Variants in CUX1 observed in about 807,000 individuals in gnomAD.
CUX1 encodes cut like homeobox 1.
In CUX1, 31 loss-of-function variants were observed where a neutral mutation model predicts 158.8. The ratio of observed to expected loss-of-function variants is 0.20; its 90% CI spans 0.15 to 0.26. CUX1 has a LOEUF of 0.26. Among genes scored for constraint, CUX1 ranks in the 10% least tolerant of loss-of-function variants. CUX1 has a pLI of 1.00. For missense variants in CUX1, 1,589 were observed against 2,014.6 expected (o/e 0.79, Z 4.04); for synonymous variants, 879 against 862.1 (o/e 1.02, Z -0.34).
Position 102,178,628 on chromosome 7 carries a change from C to G in CUX1, c.988C>G (p.Gln330Glu), listed in dbSNP as rs1170949898. Residue 330 changes from glutamine (Q) to glutamate (E), a missense_variant, in exon 11 of 24, where the codon CAG becomes GAG. Around this residue, in one of 8 missense-constraint regions of CUX1, gnomAD observed 515 missense variants for 574.4 expected, o/e 0.90. Coordinates refer to ENST00000292535, the MANE Select transcript of CUX1 (RefSeq NM_181552.4). ...SASQISQLEQ[Q>E]LSAKNSTLKQ... Reference sequence around the variant, plus strand: ...CAGCCAGATCTCACAGCTTGAGCAGCAGCTGAGCGCCAAAAACAGCACACT... The same window carrying G: ...CAGCCAGATCTCACAGCTTGAGCAGGAGCTGAGCGCCAAAAACAGCACACT... 1.2e-6 allele frequency: 2 copies of G among 1,610,402 alleles called. No individual in the cohort carries two copies. Among genetic ancestry groups the G allele is most frequent in the Non-Finnish European group, 1.7e-6 (2 of 1,178,306 alleles).
chr7:101,822,044 C>T (rs898892120), intron 1 of CUX1, among the ~76,000 whole-genome samples: 8 of 151,826 alleles, frequency 5.3e-5, no homozygotes, highest in South Asian at 2.1e-4. Context: ...TTAGTTGAGA[C>T]GAGGTTTCAC....
chr7:102,005,455 C>T (rs1367249946), intron 2 of CUX1, among the ~76,000 whole-genome samples: 2 of 152,220 alleles, frequency 1.3e-5, no homozygotes, highest in Admixed American at 6.5e-5. Flanking sequence ...CCACCTCAGC[C>T]TCCCAAGTAG....
intron 2 of CUX1, among the ~76,000 whole-genome samples, chr7:101,994,361 T>G (rs1815542772): frequency 6.6e-6 from 1 of 152,210 alleles, no homozygotes; most frequent in South Asian, 2.1e-4. Context: ...CCCAGCAGTT[T>G]GGGAGGCCGA....
At chr7:102,119,411 C>T (rs1276096234) in intron 8 of CUX1, among the ~76,000 whole-genome samples, 2 of 152,164 alleles carry the variant, frequency 1.3e-5, no homozygotes, top group Non-Finnish European at 2.9e-5. Flanking sequence ...TGGCAGACAA[C>T]GGCAGTAAAG....
At chr7:101,860,735 C>CCCTCCCTCCCTT (rs1391687312) in intron 1 of CUX1, among the ~76,000 whole-genome samples, 1 of 90,442 alleles carries the variant, frequency 1.1e-5, no homozygotes, top group Admixed American at 1.3e-4. Context: ...TCCCCTTCCT[C>CCCTCCCTCCCTT]CCTTCCTTCC....
At chr7:102,034,608 C>T (rs1285654832) in intron 3 of CUX1, among the ~76,000 whole-genome samples, 2 of 152,088 alleles carry the variant, frequency 1.3e-5, no homozygotes, top group Non-Finnish European at 2.9e-5. Flanking sequence ...CAAAAATTAG[C>T]TGGACGTGGT....
At chr7:101,832,488 C>G (rs537090169) in intron 1 of CUX1, among the ~76,000 whole-genome samples, 1 of 152,272 alleles carries the variant, frequency 6.6e-6, no homozygotes, top group South Asian at 2.1e-4. Context: ...AGACGTCCAC[C>G]CAGTCAGTCC....
At chr7:102,192,158 T>C (rs560594066) in intron 12 of CUX1, among the ~76,000 whole-genome samples, 2 of 152,252 alleles carry the variant, frequency 1.3e-5, no homozygotes, top group African/African-American at 4.8e-5. Flanking sequence ...CCATTTCCAC[T>C]TCCTCACCCC....
chr7:102,205,210 C>T (rs1795829677), intron 20 of CUX1, 40 bp downstream of exon 20: 1 of 1,447,736 alleles, frequency 6.9e-7, no homozygotes. Context: ...TGAAATGTCT[C>T]ACTGCCTTTT....
chr7:102,172,644 A>C (rs1791857285), intron 10 of CUX1, among the ~76,000 whole-genome samples: 1 of 152,224 alleles, frequency 6.6e-6, no homozygotes, highest in Non-Finnish European at 1.5e-5. Context: ...TAAGACCTGA[A>C]TTGGGCGTTC....
At chr7:101,932,755 A>C in intron 2 of CUX1, 1 of 388,206 alleles carries the variant, frequency 2.6e-6, no homozygotes, top group South Asian at 1.9e-5. Context: ...TCAAGAAAAA[A>C]TACTGTTTCA....
chr7:102,225,319 ATT>A (rs1798237362), intron 20 of CUX1, among the ~76,000 whole-genome samples: 1 of 152,188 alleles, frequency 6.6e-6, no homozygotes, highest in Admixed American at 6.5e-5. Flanking sequence ...CAAATGTTTT[ATT>A]TGAGGTTTTG....
At chr7:101,842,198 T>C (rs1185691407) in intron 1 of CUX1, among the ~76,000 whole-genome samples, 1 of 152,198 alleles carries the variant, frequency 6.6e-6, no homozygotes, top group Non-Finnish European at 1.5e-5. Context: ...GTCTTCTTTT[T>C]GGTGTCTTGC....
Position 102,160,114 on chromosome 7 carries a change from GAGGT to G in CUX1, c.723+1507_723+1510del, listed in dbSNP as rs539799105. ...GAGAATCACTTGAACCCAGAAGGCA[GAGGT>G]TGCAGTGAACCAATCATGCCACCAT... On this transcript the variant is annotated intron_variant, in intron 9 of 23. Transcript: ENST00000292535. Among the ~76,000 whole-genome samples, 44 of 152,020 alleles carry G rather than the reference GAGGT, an allele frequency of 2.9e-4. No homozygotes were observed. In the East Asian group the frequency reaches 5.2e-3, roughly 18 times the overall value.
chr7:101,969,258 CT>C lies in CUX1; in HGVS notation c.141+53034del, dbSNP rs112364753. 6.6e-5 allele frequency among the ~76,000 whole-genome samples: 10 copies of C among 151,146 alleles called. 1 individual carries two copies. The highest frequency in any genetic ancestry group is 2.4e-4 in the African/African-American group (10 of 41,150). ...GCTGAGGTGGGAGGATTGCTTGAGC[CT>C]GGGAGTTCCAGGATGCATTGAGCCA... On this transcript the variant is annotated intron_variant, in intron 2 of 23. Transcript: ENST00000292535.
intron 1 of CUX1, among the ~76,000 whole-genome samples, chr7:101,874,694 C>T (rs1470006621): frequency 2.0e-5 from 3 of 152,198 alleles, no homozygotes; most frequent in Non-Finnish European, 4.4e-5. Context: ...TCTGTCCCTC[C>T]AGCCTGGCAT....
At position 101,869,464 on chromosome 7, in the gene CUX1, A is replaced by G. The variant is rs1053939629; in HGVS notation, c.31-46651A>G. ...CTCCTAATGCCTGGCATGTGCGTCA[A>G]CGCATCTCTGAGGATGGAATTTAAA... On this transcript the variant is annotated intron_variant, in intron 1 of 23. Coordinates refer to ENST00000292535, the MANE Select transcript of CUX1 (RefSeq NM_181552.4). This position sits in a 1 kb window ranked among gnomAD's most constrained non-coding sequence, Gnocchi z 4.5. Among the ~76,000 whole-genome samples the G allele has an allele frequency of 1.3e-5, 2 of 152,006 alleles. No individual in the cohort carries two copies. The highest frequency in any genetic ancestry group is 4.8e-5 in the African/African-American group (2 of 41,398).
At chr7:102,269,572 A>ATTTTTTTTTTTTTT (rs71123030) in intron 14 of CUX1, among the ~76,000 whole-genome samples, 19 of 107,770 alleles carry the variant, frequency 1.8e-4, no homozygotes, top group South Asian at 3.0e-4. Context: ...TGCCCGGCTA[A>ATTTTTTTTTTTTTT]TTTTTTTTTT....
At position 102,253,363 on chromosome 7, in the gene CUX1, C is replaced by T; in HGVS notation, c.*4321C>T. The stretch of plus-strand genomic sequence containing the variant: ...GCTGCAAAGAGATCGCTGTGGGCCT[C>T]GGCTGACTACTTTAAGATTATGCCA... On this transcript the variant is annotated 3_prime_UTR_variant, in exon 24 of 24. Coordinates refer to ENST00000292535, the MANE Select transcript of CUX1 (RefSeq NM_181552.4). 6 of 985,438 alleles carry T rather than the reference C, an allele frequency of 6.1e-6. No individual in the cohort carries two copies. The highest frequency in any genetic ancestry group is 4.7e-5 in the South Asian group (1 of 21,290). The allele number at this position is 985,438 out of a possible 1,614,324, so 61.0% of individuals were successfully genotyped here.
Sources: allele counts gnomAD v4.1 joint callset (sites outside exome capture counted in the v4.1 genomes callset), GRCh38; gene constraint gnomAD v4.1.1; regional missense constraint gnomAD v4.1.1; non-coding constraint Gnocchi (gnomAD v3.1); transcripts MANE v1.5; gene names NCBI Gene and HGNC (gene_info 2026-07-23, HGNC 2026-07-21).